The following KANSL1L variants were observed in gnomAD, a reference collection of about 807,000 sequenced individuals.
The protein encoded by KANSL1L is KAT8 regulatory NSL complex subunit 1 like.
In KANSL1L, 25 loss-of-function variants were observed where a neutral mutation model predicts 108.6. The ratio of observed to expected loss-of-function variants is 0.23; its 90% CI spans 0.17 to 0.32. The LOEUF (loss-of-function observed/expected upper bound fraction) is 0.32. Among genes scored for constraint, KANSL1L ranks in the 10% least tolerant of loss-of-function variants. The pLI is 1.00. For missense variants in KANSL1L, 1,137 were observed against 1,125.7 expected (o/e 1.01, Z -0.14); for synonymous variants, 405 against 395.1 (o/e 1.03, Z -0.30).
intron 3 of KANSL1L, among the ~76,000 whole-genome samples, chr2:210,126,942 C>A (rs1167225458): frequency 2.0e-5 from 3 of 152,032 alleles, no homozygotes; most frequent in Non-Finnish European, 4.4e-5. Context: ...GCCTATAATC[C>A]TAGCACTTTG....
At chr2:210,135,910 T>C (rs952451447) in intron 2 of KANSL1L, among the ~76,000 whole-genome samples, 1 of 152,114 alleles carries the variant, frequency 6.6e-6, no homozygotes, top group African/African-American at 2.4e-5. Context: ...AGTTAATAAC[T>C]TACATACTCT....
At chr2:210,166,301 G>A (rs1272603644) in intron 1 of KANSL1L, among the ~76,000 whole-genome samples, 1 of 152,134 alleles carries the variant, frequency 6.6e-6, no homozygotes, top group Non-Finnish European at 1.5e-5. Context: ...TGTACACAGT[G>A]AGATAATTAC....
At position 210,051,882 on chromosome 2, in the gene KANSL1L, T is replaced by A. The variant is rs560301269; in HGVS notation, c.1756-7778A>T. ...CATGTCTTCTTTTTGGCTGTGGAAA[T>A]AGTCATGTATAATTTCTCTTTGTGT... On this transcript the variant is annotated intron_variant, in intron 6 of 14. Transcript: ENST00000281772. 5.9e-5 allele frequency among the ~76,000 whole-genome samples: 9 copies of A among 152,288 alleles called. No individual in the cohort carries two copies. The South Asian group carries it at 1.9e-3, about 32-fold the overall frequency.
At chr2:210,081,576 A>C (rs989557262) in intron 5 of KANSL1L, among the ~76,000 whole-genome samples, 9 of 152,182 alleles carry the variant, frequency 5.9e-5, no homozygotes, top group Non-Finnish European at 1.0e-4. Context: ...CTTCCTTTCT[A>C]GACTGTCAGT....
chr2:210,104,495 G>A (rs1182965805), intron 3 of KANSL1L, among the ~76,000 whole-genome samples, 194 bp from the exon 4 acceptor site: 1 of 152,106 alleles, frequency 6.6e-6, no homozygotes, highest in Non-Finnish European at 1.5e-5. Flanking sequence ...ATGGTTGATA[G>A]GTTGGACTTG....
At chr2:210,159,789 C>T (rs574358401) in intron 1 of KANSL1L, among the ~76,000 whole-genome samples, 2 of 152,198 alleles carry the variant, frequency 1.3e-5, no homozygotes, top group African/African-American at 2.4e-5. Context: ...CGGTGGCTCA[C>T]GCCTATAATC....
At chr2:210,049,425 T>G (rs1248848233) in intron 6 of KANSL1L, among the ~76,000 whole-genome samples, 1 of 152,016 alleles carries the variant, frequency 6.6e-6, no homozygotes, top group East Asian at 1.9e-4. Context: ...CTGGAGGTTT[T>G]TCTATGGTAA....
intron 6 of KANSL1L, among the ~76,000 whole-genome samples, chr2:210,050,234 A>G (rs910592459): frequency 1.3e-5 from 2 of 152,214 alleles, no homozygotes; most frequent in Non-Finnish European, 2.9e-5. Context: ...TCCAGGGGGC[A>G]GAAAAAAGGC....
At chr2:210,056,567 G>A (rs1410613775) in intron 6 of KANSL1L, among the ~76,000 whole-genome samples, 1 of 152,010 alleles carries the variant, frequency 6.6e-6, no homozygotes, top group African/African-American at 2.4e-5. Context: ...TGCAGCCTCT[G>A]CCTCCCTGGT....
chr2:210,130,025 T>C (rs917518145), intron 2 of KANSL1L, among the ~76,000 whole-genome samples: 3 of 148,114 alleles, frequency 2.0e-5, no homozygotes, highest in South Asian at 2.1e-4. Context: ...ACTGAAGATA[T>C]AACTGTAGGA....
At chr2:210,062,070 G>T (rs145755734) in intron 6 of KANSL1L, among the ~76,000 whole-genome samples, 64 of 152,280 alleles carry the variant, frequency 4.2e-4, no homozygotes, top group Non-Finnish European at 6.9e-4. Context: ...AAGTTGATAT[G>T]GTTTAGTTGT....
In KANSL1L at chr2:210,040,499, T is replaced by A; in HGVS notation, c.1950A>T (p.Thr650=). 3 of 1,552,086 alleles carry A rather than the reference T, an allele frequency of 1.9e-6. No homozygotes were observed. Among genetic ancestry groups the A allele is most frequent in the Non-Finnish European group, 2.6e-6 (3 of 1,142,078 alleles). The part of the protein sequence containing the change: ...SDVPLHFHFE[T]LLKKTEIKGN... Reference sequence around the variant, plus strand: ...CTTTTATTTCAGTCTTTTTTAACAGTGTTTCAAAGTGAAAATGAAGAGGCA... The same window carrying A: ...CTTTTATTTCAGTCTTTTTTAACAGAGTTTCAAAGTGAAAATGAAGAGGCA... The change falls in exon 8 of 15, where the codon ACA becomes ACT. Residue 650 remains threonine, a synonymous_variant. Transcript: ENST00000281772.
chr2:210,128,268 C>T (rs1190237467), intron 3 of KANSL1L, among the ~76,000 whole-genome samples: 3 of 152,062 alleles, frequency 2.0e-5, no homozygotes, highest in Non-Finnish European at 4.4e-5. Context: ...TGGGTGTTTA[C>T]CCCAAAGAAT....
chr2:210,163,855 G>A lies in KANSL1L; in HGVS notation c.-30+7294C>T, dbSNP rs190498194. Among the ~76,000 whole-genome samples the A allele has an allele frequency of 9.9e-5, 15 of 152,020 alleles. No individual in the cohort carries two copies. In the East Asian group the frequency reaches 1.5e-3, roughly 16 times the overall value. On this transcript the variant is annotated intron_variant, in intron 1 of 14. Transcript: ENST00000281772. ...AGGTGTTATGTGTTCACTCATCATC[G>A]TATTCTAGAATATTTTATGGCACAT...
Position 210,030,499 on chromosome 2 carries a change from CT to C in KANSL1L, c.2156-582del, listed in dbSNP as rs34540957. 4.3e-3 allele frequency among the ~76,000 whole-genome samples: 510 copies of C among 118,096 alleles called. 3 individuals carry two copies. The highest frequency in any genetic ancestry group is 8.3e-3 in the African/African-American group (249 of 29,994). The allele number at this position is 118,096 out of a possible 152,430, so 77.5% of individuals were successfully genotyped here. On this transcript the variant is annotated intron_variant, in intron 9 of 14. Coordinates refer to ENST00000281772, the MANE Select transcript of KANSL1L (RefSeq NM_152519.4). ...GTATTTTCTGTATATCTTCCAAGTT[CT>C]TTTTTTTTTTTTTTCCTGTTTTGGT...
In KANSL1L at chr2:210,098,149, G is replaced by C; in HGVS notation, c.1487C>G (p.Thr496Ser). Residue 496 changes from threonine to serine, a missense_variant, in exon 5 of 15, where the codon ACT (threonine) becomes AGT (serine). Transcript: ENST00000281772. ...GGATTTGGAAGAGAGGGGTGATGAAGTTGGGGACAAGTTGAGAGGGGCAAT... is the reference window on the plus strand; with the variant it reads ...GGATTTGGAAGAGAGGGGTGATGAACTTGGGGACAAGTTGAGAGGGGCAAT... Reference protein sequence around the residue: ...SLIAPLNLSPTSSPLSSKSCS... With the variant: ...SLIAPLNLSPSSSPLSSKSCS... 2.5e-6 allele frequency: 4 copies of C among 1,612,262 alleles called. No individual in the cohort carries two copies. The highest frequency in any genetic ancestry group is 3.4e-6 in the Non-Finnish European group (4 of 1,179,026).
At chr2:210,048,526 A>G in intron 6 of KANSL1L, among the ~76,000 whole-genome samples, 1 of 152,134 alleles carries the variant, frequency 6.6e-6, no homozygotes, top group East Asian at 1.9e-4. Flanking sequence ...GATAATTCTA[A>G]TATTTGAAGT....
chr2:210,093,485 C>T (rs1012824004), intron 5 of KANSL1L, among the ~76,000 whole-genome samples: 1 of 152,050 alleles, frequency 6.6e-6, no homozygotes, highest in Non-Finnish European at 1.5e-5. Flanking sequence ...ATTAAATCTT[C>T]AGCTTGATTT....
chr2:210,022,984 C>G lies in KANSL1L; in HGVS notation c.2929G>C (p.Gly977Arg), dbSNP rs757879783. Residue 977 changes from glycine (G) to arginine (R), a missense_variant, in exon 15 of 15, where the codon GGT becomes CGT. Coordinates refer to ENST00000281772, the MANE Select transcript of KANSL1L (RefSeq NM_152519.4). ...TTTTTAACATTAGTAAGTCCTAGAC[C>G]AAAGGTTTTGTATTCTTCCATTCCA... is the stretch of plus-strand genomic sequence containing the variant. ...SDGMEEYKTF[G>R]LGLTNVKKNR is the part of the protein sequence containing the mutation. 1.9e-6 allele frequency: 3 copies of G among 1,613,642 alleles called. No individual in the cohort carries two copies. Among genetic ancestry groups the G allele is most frequent in the Non-Finnish European group, 2.5e-6 (3 of 1,179,736 alleles).
Sources: allele counts gnomAD v4.1 joint callset (sites outside exome capture counted in the v4.1 genomes callset), GRCh38; gene constraint gnomAD v4.1.1; transcripts MANE v1.5; gene names NCBI Gene and HGNC (gene_info 2026-07-23, HGNC 2026-07-21).